Variants in TAFA1 observed in about 807,000 individuals in gnomAD.
TAFA1 encodes chemokine-like protein TAFA-1.
A neutral mutation model predicts 18.5 loss-of-function variants in TAFA1; 4 were observed. That is an observed-to-expected ratio of 0.22 (90% CI 0.11 to 0.49). The LOEUF is 0.49. TAFA1 is among the 20% of genes least tolerant of loss of function. The pLI is 0.98. For missense variants in TAFA1, 147 were observed against 169.0 expected (o/e 0.87, Z 0.72); for synonymous variants, 56 against 55.2 (o/e 1.01, Z -0.06).
At chr3:68,047,740 A>G (rs1164654894) in intron 2 of TAFA1, among the ~76,000 whole-genome samples, 1 of 152,204 alleles carries the variant, frequency 6.6e-6, no homozygotes, top group African/African-American at 2.4e-5. Context: ...ACCTGCCAAT[A>G]TAATCACCCA....
intron 3 of TAFA1, among the ~76,000 whole-genome samples, chr3:68,508,870 A>C (rs1372908863): frequency 6.6e-6 from 1 of 152,076 alleles, no homozygotes; most frequent in Non-Finnish European, 1.5e-5. Context: ...CACTAGAAGA[A>C]GATGAGAAGG....
At chr3:68,027,402 T>C (rs1575580946) in intron 2 of TAFA1, among the ~76,000 whole-genome samples, 1 of 152,196 alleles carries the variant, frequency 6.6e-6, no homozygotes, top group South Asian at 2.1e-4. Flanking sequence ...GCCATTTAGT[T>C]GTAAAGGCAG....
At chr3:68,073,697 T>C (rs1197301602) in intron 2 of TAFA1, among the ~76,000 whole-genome samples, 1 of 152,196 alleles carries the variant, frequency 6.6e-6, no homozygotes, top group Non-Finnish European at 1.5e-5. Context: ...ATATTAGTTA[T>C]ACTGGTGGTG....
At chr3:68,252,242 G>C (rs2067210446) in intron 2 of TAFA1, among the ~76,000 whole-genome samples, 1 of 151,964 alleles carries the variant, frequency 6.6e-6, no homozygotes, top group Non-Finnish European at 1.5e-5. Flanking sequence ...CTACTATTCA[G>C]GTTTCAAGTT....
At chr3:68,019,941 C>T (rs766786106) in intron 2 of TAFA1, among the ~76,000 whole-genome samples, 2 of 152,190 alleles carry the variant, frequency 1.3e-5, no homozygotes, top group African/African-American at 2.4e-5. Flanking sequence ...CCTCTGAATC[C>T]TTCCAAGCAC....
At chr3:68,336,589 T>A (rs1038833294) in intron 2 of TAFA1, among the ~76,000 whole-genome samples, 1 of 152,240 alleles carries the variant, frequency 6.6e-6, no homozygotes, top group African/African-American at 2.4e-5. Context: ...CTTCAAACTA[T>A]CTGCTTGAAA....
chr3:68,286,279 G>C (rs893797597), intron 2 of TAFA1, among the ~76,000 whole-genome samples: 1 of 151,630 alleles, frequency 6.6e-6, no homozygotes, highest in African/African-American at 2.4e-5. Flanking sequence ...TTTAAAAATA[G>C]ACCAGTATTA....
chr3:68,331,705 A>G (rs1361441554), intron 2 of TAFA1, among the ~76,000 whole-genome samples: 1 of 152,132 alleles, frequency 6.6e-6, no homozygotes, highest in Non-Finnish European at 1.5e-5. Context: ...CCTGATTGCA[A>G]ATTATATTAC....
intron 2 of TAFA1, among the ~76,000 whole-genome samples, chr3:68,370,395 CATAT>C (rs1168584727): frequency 1.2e-5 from 1 of 83,108 alleles, no homozygotes; most frequent in Non-Finnish European, 2.2e-5. Flanking sequence ...TATATACACA[CATAT>C]ATATACACAT....
chr3:68,106,001 C>T (rs1248045997), intron 2 of TAFA1, among the ~76,000 whole-genome samples: 2 of 152,010 alleles, frequency 1.3e-5, no homozygotes, highest in Admixed American at 6.6e-5. Context: ...CCACAATTTT[C>T]AATATCTAAT....
At chr3:68,229,423 C>T (rs574323376) in intron 2 of TAFA1, among the ~76,000 whole-genome samples, 2 of 152,296 alleles carry the variant, frequency 1.3e-5, no homozygotes, top group African/African-American at 4.8e-5. Context: ...TGTCATCGCT[C>T]AACCATTTTC....
At chr3:68,030,908 T>C (rs1247841298) in intron 2 of TAFA1, among the ~76,000 whole-genome samples, 1 of 152,196 alleles carries the variant, frequency 6.6e-6, no homozygotes, top group African/African-American at 2.4e-5. Context: ...GGATGTCCCC[T>C]TTTTAGTGGT....
intron 2 of TAFA1, among the ~76,000 whole-genome samples, chr3:68,383,008 A>C (rs1209151374): frequency 6.6e-6 from 1 of 151,952 alleles, no homozygotes; most frequent in Non-Finnish European, 1.5e-5. Context: ...CAGCTTGACT[A>C]TTGTTGATGT....
intron 2 of TAFA1, among the ~76,000 whole-genome samples, chr3:68,341,279 G>C (rs2069077819): frequency 6.6e-6 from 1 of 152,152 alleles, no homozygotes. Flanking sequence ...GGTTGGAGAT[G>C]GAATCAAAGG....
chr3:68,216,791 G>T (rs954869269), intron 2 of TAFA1, among the ~76,000 whole-genome samples: 1 of 152,030 alleles, frequency 6.6e-6, no homozygotes, highest in Non-Finnish European at 1.5e-5. Flanking sequence ...AAAGGGACAC[G>T]GGAACCAACT....
chr3:68,372,625 T>C (rs2638074), intron 2 of TAFA1, among the ~76,000 whole-genome samples: 94,577 of 151,760 alleles, frequency 0.62, 30,190 homozygotes, highest in East Asian at 1. Flanking sequence ...GAAGAAATTC[T>C]AGAGCATAAT....
chr3:68,272,276 C>T (rs995319194), intron 2 of TAFA1, among the ~76,000 whole-genome samples: 12 of 152,192 alleles, frequency 7.9e-5, no homozygotes, highest in African/African-American at 2.9e-4. Flanking sequence ...TGTGGGCATC[C>T]ATCTGCCCTC....
intron 2 of TAFA1, among the ~76,000 whole-genome samples, chr3:68,039,266 A>C (rs1008904906): frequency 1.3e-5 from 2 of 152,246 alleles, no homozygotes; most frequent in African/African-American, 4.8e-5. Context: ...GATTTTACTC[A>C]TATTAATATT....
intron 2 of TAFA1, among the ~76,000 whole-genome samples, chr3:68,268,708 C>T (rs776357915): frequency 4.1e-4 from 62 of 152,258 alleles, no homozygotes; most frequent in Non-Finnish European, 7.6e-4. Context: ...GCCTGATTGA[C>T]ATTTCCACTC....
Sources: gnomAD v4.1 joint callset for allele counts (sites outside exome capture counted in the v4.1 genomes callset) on GRCh38, gnomAD v4.1.1 for gene constraint, MANE v1.5 for transcripts, NCBI Gene and HGNC (gene_info 2026-07-23, HGNC 2026-07-21) for gene names.